PEMT: variants seen among roughly 807,000 people sequenced by gnomAD.
PEMT encodes the protein phospholipid methyltransferase.
Under a neutral mutation model 27.4 loss-of-function variants are expected in PEMT, and 23 were observed. That is an observed-to-expected ratio of 0.84 (90% confidence interval 0.60 to 1.19). The LOEUF (loss-of-function observed/expected upper bound fraction) is 1.19, where lower values mean the gene tolerates loss of function less well. Ranked by LOEUF, PEMT falls within the 50% of genes most tolerant of loss-of-function variation. The pLI is 0.00. For missense variants in PEMT, 307 were observed against 310.1 expected, an observed-to-expected ratio of 0.99 and a Z score of 0.07; for synonymous variants, 137 against 139.1, an observed-to-expected ratio of 0.98 and a Z score of 0.11.
chr17:17,582,805 C>T lies in PEMT; in HGVS notation c.97-5778G>A, dbSNP rs146107964. ...TGGGCCGGGCGCGATGGCTCACCCC[C>T]GTAATCCCAGCACTTTGGGAGGCCT... On this transcript the variant is annotated intron_variant, in intron 1 of 6. Transcript: ENST00000255389. This position sits in a 1 kb window ranked among gnomAD's most constrained non-coding sequence, Gnocchi z 4.9. 1.6e-3 allele frequency among the ~76,000 whole-genome samples: 238 copies of T among 152,264 alleles called. No homozygotes were observed. Among genetic ancestry groups the T allele is most frequent in the African/African-American group, 5.4e-3 (226 of 41,552 alleles).
rs536801646 is a variant in PEMT at position 17,590,117 on chromosome 17, A to G, written c.96+1414T>C. Among the ~76,000 whole-genome samples, 3 of 146,872 alleles carry G rather than the reference A, an allele frequency of 2.0e-5. No individual in the cohort carries two copies. In the East Asian group the frequency reaches 6.1e-4, roughly 30 times the overall value. ...AGGGCAGCCCCTGGAGGTGATCATG[A>G]CCCCCCATCTTGATCTGAGGATTAA... is the stretch of plus-strand genomic sequence containing the variant. On this transcript the variant is annotated intron_variant, in intron 1 of 6. Coordinates refer to ENST00000255389, the MANE Select transcript of PEMT (RefSeq NM_148172.3).
At chr17:17,569,146 G>A (rs566818755) in intron 2 of PEMT, among the ~76,000 whole-genome samples, 4 of 152,332 alleles carry the variant, frequency 2.6e-5, no homozygotes, top group East Asian at 1.9e-4. Flanking sequence ...GAAAGTCCCC[G>A]GCCAGAGGGA....
intron 2 of PEMT, among the ~76,000 whole-genome samples, chr17:17,550,726 A>T (rs1012420661): frequency 2.6e-5 from 4 of 152,308 alleles, no homozygotes; most frequent in African/African-American, 9.6e-5. Context: ...CAGGGCACAA[A>T]GCCTGGACAG....
At chr17:17,568,694 C>T (rs1027379394) in intron 2 of PEMT, among the ~76,000 whole-genome samples, 4 of 152,200 alleles carry the variant, frequency 2.6e-5, no homozygotes, top group African/African-American at 7.2e-5. Context: ...AGCCATAGAC[C>T]GCTGGCTGGG....
chr17:17,545,073 C>T (rs1347642155), intron 2 of PEMT, among the ~76,000 whole-genome samples: 6 of 152,220 alleles, frequency 3.9e-5, no homozygotes. Flanking sequence ...CACCAAGGAG[C>T]TGTCTGGCCT....
At chr17:17,531,646 A>AAAG (rs869075735) in intron 2 of PEMT, among the ~76,000 whole-genome samples, 1 of 126,408 alleles carries the variant, frequency 7.9e-6, no homozygotes, top group African/African-American at 3.1e-5. Context: ...AAAAAAAAAA[A>AAAG]GAACTTCAAT....
rs116925489 is a variant in PEMT, at chr17:17,527,787, G to A, written c.205-5392C>T. On this transcript the variant is annotated intron_variant, in intron 2 of 6. Coordinates refer to ENST00000255389, the MANE Select transcript of PEMT (RefSeq NM_148172.3). ...GTCTGTTGTGAAGCAGTGTCCCCAGGGAGAGGACAGGCAGACAGACCTGTG... is the reference window on the plus strand; with the variant it reads ...GTCTGTTGTGAAGCAGTGTCCCCAGAGAGAGGACAGGCAGACAGACCTGTG... Among the ~76,000 whole-genome samples, 95 of 152,322 alleles carry A rather than the reference G, an allele frequency of 6.2e-4. No individual in the cohort carries two copies. The East Asian group carries it at 0.018, about 29-fold the overall frequency.
At chr17:17,511,496 G>A (rs1433902557) in intron 4 of PEMT, among the ~76,000 whole-genome samples, 1 of 152,184 alleles carries the variant, frequency 6.6e-6, no homozygotes, top group East Asian at 1.9e-4. Context: ...CGGTGCCCTG[G>A]GGGCTGGGCC....
intron 2 of PEMT, among the ~76,000 whole-genome samples, chr17:17,573,294 A>G (rs1911338691): frequency 6.6e-6 from 1 of 151,910 alleles, no homozygotes; most frequent in Non-Finnish European, 1.5e-5. Flanking sequence ...GTGAAACCCC[A>G]TCTCTACTAA....
chr17:17,530,363 C>T (rs1423441778), intron 2 of PEMT, among the ~76,000 whole-genome samples: 2 of 152,122 alleles, frequency 1.3e-5, no homozygotes, highest in Admixed American at 1.3e-4. Context: ...GGCATGATGG[C>T]GGGTGCCTTT....
chr17:17,536,286 A>T (rs939521164), intron 2 of PEMT, among the ~76,000 whole-genome samples: 1 of 152,162 alleles, frequency 6.6e-6, no homozygotes, highest in African/African-American at 2.4e-5. Flanking sequence ...ATGGATTGTA[A>T]CTCAGGTCTG....
intron 4 of PEMT, among the ~76,000 whole-genome samples, chr17:17,511,912 G>A (rs781521795): frequency 7.9e-5 from 12 of 151,998 alleles, no homozygotes; most frequent in African/African-American, 1.9e-4. Context: ...ATTGGTGGGC[G>A]TCTAGCCAGG....
chr17:17,542,261 G>A (rs113167457), intron 2 of PEMT, among the ~76,000 whole-genome samples: 3 of 152,134 alleles, frequency 2.0e-5, no homozygotes, highest in East Asian at 3.9e-4. Context: ...GATTACAGGC[G>A]TGAGCCACTA....
At chr17:17,533,923 G>C (rs977427440) in intron 2 of PEMT, among the ~76,000 whole-genome samples, 1 of 152,078 alleles carries the variant, frequency 6.6e-6, no homozygotes, top group Non-Finnish European at 1.5e-5. Flanking sequence ...TAGAGATAGG[G>C]GTTTCAACAT....
At chr17:17,527,338 G>C (rs918231376) in intron 2 of PEMT, among the ~76,000 whole-genome samples, 2 of 152,204 alleles carry the variant, frequency 1.3e-5, no homozygotes, top group African/African-American at 4.8e-5. Context: ...TGCCCGGTGA[G>C]GGTAGAATTT....
intron 2 of PEMT, among the ~76,000 whole-genome samples, chr17:17,574,616 C>T (rs1911457227): frequency 6.6e-6 from 1 of 152,140 alleles, no homozygotes; most frequent in African/African-American, 2.4e-5. Context: ...CCACCGCGCC[C>T]GGCCAAATCT....
chr17:17,526,826 C>G (rs1907702958), intron 2 of PEMT, among the ~76,000 whole-genome samples: 1 of 152,232 alleles, frequency 6.6e-6, no homozygotes, highest in Non-Finnish European at 1.5e-5. Flanking sequence ...ATTAAACACT[C>G]AGCGTTTTTC....
At chr17:17,586,256 G>GAAAGAAAGAAAGAAAT (rs1567759149) in intron 1 of PEMT, among the ~76,000 whole-genome samples, 4 of 104,332 alleles carry the variant, frequency 3.8e-5, no homozygotes, top group Non-Finnish European at 7.5e-5. Context: ...AAGAAAGAAA[G>GAAAGAAAGAAAGAAAT]AAAGAAAGAA....
chr17:17,591,737 C>T (rs974569783), upstream of PEMT: 2 of 1,473,066 alleles, frequency 1.4e-6, no homozygotes, highest in African/African-American at 2.9e-5. Context: ...TTCCCGGTGA[C>T]CCCCAACATA....
Sources: gnomAD v4.1 joint callset for allele counts (sites outside exome capture counted in the v4.1 genomes callset) on GRCh38, gnomAD v4.1.1 for gene constraint, Gnocchi (gnomAD v3.1) non-coding constraint, MANE v1.5 for transcripts, NCBI Gene and HGNC (gene_info 2026-07-23, HGNC 2026-07-21) for gene names.